MAP3K13: variants seen among roughly 807,000 people sequenced by gnomAD.
MAP3K13 encodes the protein mitogen-activated protein kinase kinase kinase 13, also known as leucine zipper-bearing kinase.
In MAP3K13, 52 loss-of-function variants were observed where a neutral mutation model predicts 104.0. That is an observed-to-expected ratio of 0.50 (90% CI 0.40 to 0.63). MAP3K13 has a LOEUF of 0.63. Among genes scored for constraint, MAP3K13 ranks in the 20% least tolerant of loss-of-function variants. MAP3K13 has a pLI of 0.00. For synonymous variants in MAP3K13, 394 were observed against 442.2 expected (o/e 0.89, Z 1.37); for missense variants, 914 against 1,218.5 (o/e 0.75, Z 3.72).
chr3:185,335,468 A>G (rs1005614655), intron 2 of MAP3K13, among the ~76,000 whole-genome samples: 1 of 152,158 alleles, frequency 6.6e-6, no homozygotes, highest in Non-Finnish European at 1.5e-5. Context: ...GGCTAATGTC[A>G]CATTACAGCA....
intron 13 of MAP3K13, among the ~76,000 whole-genome samples, chr3:185,481,770 A>G (rs1718473190): frequency 6.6e-6 from 1 of 152,180 alleles, no homozygotes; most frequent in South Asian, 2.1e-4. Context: ...TGAGGACTAA[A>G]TGGATTAACA....
intron 2 of MAP3K13, among the ~76,000 whole-genome samples, chr3:185,314,749 TG>T (rs1367385440): frequency 6.6e-6 from 1 of 152,134 alleles, no homozygotes; most frequent in Non-Finnish European, 1.5e-5. Flanking sequence ...GTGATCCTCC[TG>T]CCTCAGCCTC....
chr3:185,337,466 T>C (rs925395846), intron 2 of MAP3K13, among the ~76,000 whole-genome samples: 1 of 152,000 alleles, frequency 6.6e-6, no homozygotes, highest in Non-Finnish European at 1.5e-5. Context: ...CTAAGAAAAA[T>C]GGGCAAGAGA....
At chr3:185,310,349 A>G (rs1417926341) in intron 2 of MAP3K13, among the ~76,000 whole-genome samples, 2 of 152,220 alleles carry the variant, frequency 1.3e-5, no homozygotes, top group African/African-American at 4.8e-5. Flanking sequence ...TTGGAATTCT[A>G]TAAAAAATTA....
intron 2 of MAP3K13, among the ~76,000 whole-genome samples, chr3:185,346,492 C>T (rs578004335): frequency 1.3e-5 from 2 of 152,134 alleles, no homozygotes; most frequent in African/African-American, 2.4e-5. Context: ...TTTTAGTATA[C>T]AACCTGTAAA....
intron 7 of MAP3K13, among the ~76,000 whole-genome samples, chr3:185,454,565 GATATATATGAT>G (rs1442274536): frequency 4.5e-5 from 5 of 109,944 alleles, no homozygotes; most frequent in African/African-American, 1.9e-4. Context: ...ACATATATAT[GATATATATGAT>G]ATATATATGA....
At chr3:185,364,487 C>G (rs1322366725) in intron 1 of MAP3K13, among the ~76,000 whole-genome samples, 1 of 152,186 alleles carries the variant, frequency 6.6e-6, no homozygotes, top group African/African-American at 2.4e-5. Context: ...ATAATCCAGG[C>G]TGCCATGTTT....
chr3:185,475,741 C>T (rs952675344), intron 11 of MAP3K13, among the ~76,000 whole-genome samples: 1 of 152,106 alleles, frequency 6.6e-6, no homozygotes, highest in African/African-American at 2.4e-5. Context: ...ATCCCAGGTA[C>T]TCGGGAGGCT....
At chr3:185,357,776 A>G (rs1723429842) in intron 2 of MAP3K13, among the ~76,000 whole-genome samples, 1 of 152,224 alleles carries the variant, frequency 6.6e-6, no homozygotes, top group Non-Finnish European at 1.5e-5. Context: ...TCCTTTTGAC[A>G]GGAATAACAC....
chr3:185,347,901 A>G (rs1722991993), intron 2 of MAP3K13, among the ~76,000 whole-genome samples: 1 of 151,692 alleles, frequency 6.6e-6, no homozygotes, highest in Admixed American at 6.6e-5. Context: ...AATCCCAGCT[A>G]CTTAGGAGGC....
At chr3:185,443,883 C>A (rs889314485) in intron 4 of MAP3K13, among the ~76,000 whole-genome samples, 2 of 152,164 alleles carry the variant, frequency 1.3e-5, no homozygotes, top group Non-Finnish European at 2.9e-5. Flanking sequence ...AACTGTGAAA[C>A]AAAATTCATT....
At chr3:185,409,856 A>G (rs773420795) in intron 1 of MAP3K13, among the ~76,000 whole-genome samples, 25 of 152,220 alleles carry the variant, frequency 1.6e-4, no homozygotes, top group Non-Finnish European at 3.1e-4. Context: ...CTAGAGCAGC[A>G]GTCCCCAACC....
At chr3:185,377,943 C>T (rs942442371) in intron 1 of MAP3K13, among the ~76,000 whole-genome samples, 13 of 152,252 alleles carry the variant, frequency 8.5e-5, no homozygotes, top group African/African-American at 1.4e-4. Flanking sequence ...GGAGGAATCC[C>T]GGGCTGCGGG....
At chr3:185,350,199 T>C (rs1723085985) in intron 2 of MAP3K13, among the ~76,000 whole-genome samples, 1 of 152,214 alleles carries the variant, frequency 6.6e-6, no homozygotes, top group Admixed American at 6.5e-5. Context: ...CTTTCTCTTT[T>C]TTTGAGATGG....
chr3:185,466,673 G>A (rs1312283155), intron 9 of MAP3K13, among the ~76,000 whole-genome samples, 153 bp from the exon 10 acceptor site: 3 of 151,838 alleles, frequency 2.0e-5, no homozygotes, highest in Non-Finnish European at 2.9e-5. Context: ...CACCGAGCCC[G>A]GCTGTTTGTT....
intron 1 of MAP3K13, among the ~76,000 whole-genome samples, chr3:185,394,705 A>C (rs1436549150): frequency 6.6e-6 from 1 of 152,162 alleles, no homozygotes; most frequent in Admixed American, 6.5e-5. Context: ...TTTTTAAAGT[A>C]TTTCTTTATT....
chr3:185,374,442 T>A (rs895071065), intron 1 of MAP3K13, among the ~76,000 whole-genome samples: 10 of 151,942 alleles, frequency 6.6e-5, no homozygotes, highest in African/African-American at 2.4e-4. Context: ...TATTGTGGGG[T>A]TGTTAGAAGA....
chr3:185,299,874 CTCTT>C (rs1721040162), intron 2 of MAP3K13, among the ~76,000 whole-genome samples: 1 of 151,184 alleles, frequency 6.6e-6, no homozygotes, highest in Admixed American at 6.6e-5. Context: ...CCCTCTCTCT[CTCTT>C]TTTAAAACAA....
intron 1 of MAP3K13, among the ~76,000 whole-genome samples, chr3:185,427,701 A>G (rs1205782768): frequency 6.6e-6 from 1 of 152,278 alleles, no homozygotes; most frequent in Non-Finnish European, 1.5e-5. Flanking sequence ...GTAGCAACTT[A>G]TAACACAGGA....
Sources: gnomAD v4.1 joint callset for allele counts (sites outside exome capture counted in the v4.1 genomes callset) on GRCh38, gnomAD v4.1.1 for gene constraint, MANE v1.5 for transcripts, NCBI Gene and HGNC (gene_info 2026-07-23, HGNC 2026-07-21) for gene names.